COL8A1: variants seen among roughly 807,000 people sequenced by gnomAD.
The protein encoded by COL8A1 is collagen alpha-1(VIII) chain.
A neutral mutation model predicts 42.7 loss-of-function variants in COL8A1; 21 were observed. The ratio of observed to expected loss-of-function variants is 0.49; its 90% CI spans 0.35 to 0.71. COL8A1 has a LOEUF of 0.71. COL8A1 is among the 30% of genes least tolerant of loss of function. COL8A1 has a pLI of 0.01. For missense variants in COL8A1, 788 were observed against 962.4 expected (o/e 0.82, Z 2.40); for synonymous variants, 367 against 369.1 (o/e 0.99, Z 0.06).
rs1699825894 is a variant in COL8A1, at chr3:99,794,687, T to A, written c.786T>A (p.Pro262=). 1.2e-6 allele frequency: 2 copies of A among 1,613,134 alleles called. No individual in the cohort carries two copies. Among genetic ancestry groups the A allele is most frequent in the African/African-American group, 2.7e-5 (2 of 74,860 alleles). The change falls in exon 4 of 4, where the codon CCT becomes CCA. Residue 262 remains proline (P), a synonymous_variant. Transcript: ENST00000652472. This position sits in a 1 kb window ranked among gnomAD's most constrained non-coding sequence, Gnocchi z 4.3. The stretch of plus-strand genomic sequence containing the variant: ...AGGGGCCTCCAGGGATGCACGGCCC[T>A]CCCGGCCCTGTTGGACTGCCAGGAG... ...GVKGPPGMHG[P]PGPVGLPGVG...
At chr3:99,775,474 G>C (rs1441911243) in intron 2 of COL8A1, among the ~76,000 whole-genome samples, 3 of 152,180 alleles carry the variant, frequency 2.0e-5, no homozygotes, top group African/African-American at 4.8e-5. Flanking sequence ...AGTTTCCGTG[G>C]AGCTTTGGTG....
At chr3:99,658,212 C>A (rs940572718) in intron 1 of COL8A1, among the ~76,000 whole-genome samples, 4 of 152,130 alleles carry the variant, frequency 2.6e-5, no homozygotes, top group African/African-American at 9.7e-5. Context: ...ATCATCTGGG[C>A]CTGCCCGTCT....
chr3:99,695,612 C>A (rs1427637599), intron 1 of COL8A1, among the ~76,000 whole-genome samples: 1 of 152,126 alleles, frequency 6.6e-6, no homozygotes, highest in East Asian at 1.9e-4. Context: ...GTCTTTCCCT[C>A]CTTCTCTTTT....
At chr3:99,770,185 C>T (rs1350078389) in intron 2 of COL8A1, among the ~76,000 whole-genome samples, 1 of 152,098 alleles carries the variant, frequency 6.6e-6, no homozygotes, top group African/African-American at 2.4e-5. Context: ...TTCGTGGCCC[C>T]TGGGTATAGG....
chr3:99,713,581 A>G (rs1055846384), intron 1 of COL8A1, among the ~76,000 whole-genome samples: 57 of 152,126 alleles, frequency 3.7e-4, no homozygotes, highest in African/African-American at 1.2e-3. Context: ...TAAGACGTTC[A>G]GTGCCTTCCC....
intron 1 of COL8A1, among the ~76,000 whole-genome samples, chr3:99,645,721 TA>T (rs1937629400): frequency 6.6e-6 from 1 of 152,074 alleles, no homozygotes; most frequent in South Asian, 2.1e-4. Context: ...AATCCTAATT[TA>T]AGCCTCTAAG....
chr3:99,669,146 T>TATAG, intron 1 of COL8A1, among the ~76,000 whole-genome samples: 58 of 115,384 alleles, frequency 5.0e-4, no homozygotes, highest in Admixed American at 7.6e-4. Flanking sequence ...TATATATATA[T>TATAG]AGAGGGAGAG....
intron 1 of COL8A1, among the ~76,000 whole-genome samples, chr3:99,647,475 G>GTCTCTC (rs10662522): frequency 6.8e-5 from 10 of 147,648 alleles, no homozygotes; most frequent in South Asian, 2.2e-4. Flanking sequence ...TATTATTCAA[G>GTCTCTC]TCTCTCTCTC....
At chr3:99,745,329 A>C (rs1941002609) in intron 2 of COL8A1, among the ~76,000 whole-genome samples, 1 of 152,216 alleles carries the variant, frequency 6.6e-6, no homozygotes. Flanking sequence ...TAGGTATCCA[A>C]ATGTTCACCA....
At chr3:99,642,690 G>A (rs1268826999) in intron 1 of COL8A1, among the ~76,000 whole-genome samples, 1 of 152,032 alleles carries the variant, frequency 6.6e-6, no homozygotes, top group Non-Finnish European at 1.5e-5. Flanking sequence ...CATTTCCTTT[G>A]TTCTTTCCCT....
intron 2 of COL8A1, among the ~76,000 whole-genome samples, chr3:99,769,736 T>C (rs1941540743): frequency 6.6e-6 from 1 of 152,154 alleles, no homozygotes; most frequent in Admixed American, 6.5e-5. Context: ...CTGGCCAACA[T>C]GGTGAAACCG....
intron 2 of COL8A1, among the ~76,000 whole-genome samples, chr3:99,774,298 T>C (rs1941649851): frequency 6.6e-6 from 1 of 151,726 alleles, no homozygotes; most frequent in East Asian, 1.9e-4. Flanking sequence ...AAAAAATATG[T>C]ATATTTAGTC....
At chr3:99,692,670 C>G (rs1420586702) in intron 1 of COL8A1, among the ~76,000 whole-genome samples, 3 of 152,236 alleles carry the variant, frequency 2.0e-5, no homozygotes, top group African/African-American at 7.2e-5. Context: ...AGGTACTATA[C>G]AGTCATGAGC....
rs1443209593 is a variant in COL8A1, at chr3:99,794,178, T to A, written c.329-52T>A. The A allele has an allele frequency of 8.6e-7, 1 of 1,156,236 alleles. No homozygotes were observed. The highest frequency in any genetic ancestry group is 1.2e-6 in the Non-Finnish European group (1 of 816,372). The allele number at this position is 1,156,236 out of a possible 1,614,324, so 71.6% of individuals were successfully genotyped here. A position where few individuals can be genotyped will look rare whatever the true frequency, so the allele number is the denominator to read the frequency against. ...ATTGATGTGAGAGACAATCTACTAA[T>A]CAATCTCTCTCTCTCCCCCCATACC... On this transcript the variant is annotated intron_variant, in intron 3 of 3. Transcript: ENST00000652472. The surrounding 1 kb of genome is among the most constrained non-coding windows in gnomAD (Gnocchi z 4.3).
intron 1 of COL8A1, among the ~76,000 whole-genome samples, chr3:99,641,498 T>C (rs1937508100): frequency 6.6e-6 from 1 of 152,188 alleles, no homozygotes; most frequent in Non-Finnish European, 1.5e-5. Flanking sequence ...TTCTAAAAGC[T>C]ATACTATGAG....
chr3:99,681,418 C>A (rs1446610491), intron 1 of COL8A1, among the ~76,000 whole-genome samples: 2 of 152,094 alleles, frequency 1.3e-5, no homozygotes, highest in African/African-American at 4.8e-5. Flanking sequence ...ATTTTCACAC[C>A]AGTGGCCTTG....
At position 99,764,501 on chromosome 3, in the gene COL8A1, G is replaced by A. The variant is rs146983215; in HGVS notation, c.-4+19480G>A. ...ATATTCAAAGTTCCCATTCAAACAA[G>A]TAATATGTTGTTAGTAGTTAAGTGC... is the stretch of plus-strand genomic sequence containing the variant. On this transcript the variant is annotated intron_variant, in intron 2 of 3. Transcript: ENST00000652472. 3.4e-3 allele frequency among the ~76,000 whole-genome samples: 515 copies of A among 152,244 alleles called. 5 individuals carry two copies. Among genetic ancestry groups the A allele is most frequent in the African/African-American group, 0.012 (488 of 41,556 alleles).
chr3:99,757,371 T>A (rs536085436), intron 2 of COL8A1, among the ~76,000 whole-genome samples: 18 of 152,180 alleles, frequency 1.2e-4, no homozygotes, highest in Non-Finnish European at 2.6e-4. Flanking sequence ...TGACATTGAC[T>A]AAGCATTAAC....
At chr3:99,684,540 G>C (rs976879676) in intron 1 of COL8A1, among the ~76,000 whole-genome samples, 1 of 152,178 alleles carries the variant, frequency 6.6e-6, no homozygotes, top group Admixed American at 6.5e-5. Context: ...TTTATTAAGA[G>C]TTTATCACTC....
Sources: gnomAD v4.1 joint callset for allele counts (sites outside exome capture counted in the v4.1 genomes callset) on GRCh38, gnomAD v4.1.1 for gene constraint, Gnocchi (gnomAD v3.1) non-coding constraint, MANE v1.5 for transcripts, NCBI Gene and HGNC (gene_info 2026-07-23, HGNC 2026-07-21) for gene names.